Variants in TMEM132B observed in about 807,000 individuals in gnomAD.
The protein encoded by TMEM132B is transmembrane protein 132B.
A neutral mutation model predicts 90.8 loss-of-function variants in TMEM132B; 18 were observed. The ratio of observed to expected loss-of-function variants is 0.20; its 90% CI spans 0.14 to 0.29. The LOEUF (loss-of-function observed/expected upper bound fraction) is 0.29. Ranked by LOEUF, TMEM132B falls within the 10% of genes least tolerant of loss-of-function variation. The pLI, the probability that TMEM132B is intolerant of heterozygous loss-of-function variation, is 1.00. For synonymous variants in TMEM132B, 504 were observed against 523.3 expected, an observed-to-expected ratio of 0.96 and a Z score of 0.50; for missense variants, 1,096 against 1,326.8, an observed-to-expected ratio of 0.83 and a Z score of 2.70.
intron 3 of TMEM132B, among the ~76,000 whole-genome samples, chr12:125,487,146 T>C (rs1001403731): frequency 2.0e-5 from 3 of 152,206 alleles, no homozygotes; most frequent in Non-Finnish European, 2.9e-5. Flanking sequence ...ATAGCCTTGA[T>C]AGATGTTTGT....
chr12:125,626,963 G>A (rs1449078090), intron 5 of TMEM132B, among the ~76,000 whole-genome samples: 2 of 152,036 alleles, frequency 1.3e-5, no homozygotes, highest in Non-Finnish European at 2.9e-5. Flanking sequence ...CACAGCTCTT[G>A]GATGCCCTTT....
chr12:125,547,190 A>G (rs1220304677), intron 4 of TMEM132B, among the ~76,000 whole-genome samples: 1 of 152,204 alleles, frequency 6.6e-6, no homozygotes, highest in Non-Finnish European at 1.5e-5. Flanking sequence ...TATGGTAAAC[A>G]TATGCTTAAT....
intron 1 of TMEM132B, among the ~76,000 whole-genome samples, chr12:125,306,443 C>T (rs927663747): frequency 3.9e-5 from 6 of 152,164 alleles, no homozygotes; most frequent in Non-Finnish European, 8.8e-5. Flanking sequence ...CTCATACTCA[C>T]CTGGCCCAAA....
chr12:125,646,721 G>A (rs1886772480), intron 6 of TMEM132B, among the ~76,000 whole-genome samples: 2 of 152,172 alleles, frequency 1.3e-5, no homozygotes, highest in Non-Finnish European at 2.9e-5. Context: ...CTAAAACAAA[G>A]CAAATTTAAC....
chr12:125,469,696 G>T (rs1881659645), intron 3 of TMEM132B, among the ~76,000 whole-genome samples: 1 of 152,174 alleles, frequency 6.6e-6, no homozygotes, highest in South Asian at 2.1e-4. Flanking sequence ...TTCATTTTGT[G>T]CCATTTCAGG....
At chr12:125,482,083 A>G (rs1882058216) in intron 3 of TMEM132B, among the ~76,000 whole-genome samples, 3 of 152,216 alleles carry the variant, frequency 2.0e-5, no homozygotes, top group Admixed American at 2.0e-4. Context: ...CCTTCCTTAC[A>G]CACTTATACA....
At chr12:125,462,847 C>T (rs1881475559) in intron 3 of TMEM132B, among the ~76,000 whole-genome samples, 1 of 152,178 alleles carries the variant, frequency 6.6e-6, no homozygotes, top group African/African-American at 2.4e-5. Flanking sequence ...GTGCTCTATA[C>T]AATTATGTTG....
In TMEM132B at chr12:125,517,336, T is replaced by G. The variant is rs1272051408; in HGVS notation, c.1107-2103T>G. ...CCACCATGCCCTGCTGATTTTTTTT[T>G]TTTTTTTTTTTTTTTTTTTTTTTTT... On this transcript the variant is annotated intron_variant, in intron 3 of 8. Transcript: ENST00000682704. Among the ~76,000 whole-genome samples the G allele has an allele frequency of 3.4e-3, 116 of 33,972 alleles. 9 individuals carry two copies. The highest frequency in any genetic ancestry group is 3.9e-3 in the African/African-American group (8 of 2,046). The allele number at this position is 33,972 out of a possible 152,430, so 22.3% of individuals were successfully genotyped here.
At chr12:125,399,532 C>G (rs1241415888) in intron 2 of TMEM132B, among the ~76,000 whole-genome samples, 1 of 146,234 alleles carries the variant, frequency 6.8e-6, no homozygotes, top group Non-Finnish European at 1.5e-5. Context: ...GAGGGATGGG[C>G]TATAGGAGAG....
At chr12:125,642,208 A>G (rs1886649931) in intron 5 of TMEM132B, among the ~76,000 whole-genome samples, 1 of 152,158 alleles carries the variant, frequency 6.6e-6, no homozygotes, top group African/African-American at 2.4e-5. Context: ...CAGGCTCAGC[A>G]TTGTGTCAGC....
At chr12:125,606,216 C>G (rs1197574211) in intron 5 of TMEM132B, among the ~76,000 whole-genome samples, 1 of 151,852 alleles carries the variant, frequency 6.6e-6, no homozygotes, top group Non-Finnish European at 1.5e-5. Flanking sequence ...GAACATGACT[C>G]TCCATGAGTT....
At chr12:125,361,507 C>G (rs326402) in intron 2 of TMEM132B, among the ~76,000 whole-genome samples, 1 of 152,182 alleles carries the variant, frequency 6.6e-6, no homozygotes, top group Non-Finnish European at 1.5e-5. Flanking sequence ...TTACTAGTCT[C>G]TTTTCCCAAA....
chr12:125,326,406 A>G, intron 1 of TMEM132B: 1 of 610,700 alleles, frequency 1.6e-6, no homozygotes, highest in Non-Finnish European at 2.9e-6. Context: ...GACTTGGTTG[A>G]AAAAGTCACT....
intron 1 of TMEM132B, among the ~76,000 whole-genome samples, chr12:125,296,245 C>G (rs1289774045): frequency 6.6e-6 from 1 of 152,252 alleles, no homozygotes; most frequent in Non-Finnish European, 1.5e-5. Context: ...ATGCCCTGCT[C>G]TGGCCACACT....
Position 125,644,223 on chromosome 12 carries a change from T to C in TMEM132B, c.1585T>C (p.Ser529Pro), listed in dbSNP as rs765213267. 1 of 1,614,194 alleles carries C rather than the reference T, an allele frequency of 6.2e-7. No homozygotes were observed. The highest frequency in any genetic ancestry group is 8.5e-7 in the Non-Finnish European group (1 of 1,180,036). ...APRLPLQIEISDTELSQIKGW... is the reference protein window; with the variant it reads ...APRLPLQIEIPDTELSQIKGW... Reference sequence around the variant, plus strand: ...CAGGCTCCCCCTGCAGATTGAGATCTCAGACACCGAGCTGAGCCAGATCAA... The same window carrying C: ...CAGGCTCCCCCTGCAGATTGAGATCCCAGACACCGAGCTGAGCCAGATCAA... The change falls in exon 6 of 9, where the codon TCA (serine) becomes CCA (proline). Residue 529 changes from serine to proline, a missense_variant. Physicochemically the swap from Ser to Pro is moderately conservative, Grantham distance 74. Coordinates refer to ENST00000682704, the MANE Select transcript of TMEM132B (RefSeq NM_001366854.1).
intron 1 of TMEM132B, among the ~76,000 whole-genome samples, chr12:125,233,449 C>T (rs1873867639): frequency 6.6e-6 from 1 of 152,170 alleles, no homozygotes; most frequent in Non-Finnish European, 1.5e-5. Context: ...AGCAGATGTC[C>T]CAATAGCCAT....
At chr12:125,355,215 G>A (rs161882) in intron 2 of TMEM132B, among the ~76,000 whole-genome samples, 14,642 of 152,040 alleles carry the variant, frequency 0.096, 2,198 homozygotes, top group African/African-American at 0.33. Flanking sequence ...ACCCAAATGA[G>A]AACAAACAGA....
intron 1 of TMEM132B, among the ~76,000 whole-genome samples, chr12:125,337,118 T>G (rs954723696): frequency 2.0e-5 from 3 of 152,226 alleles, no homozygotes; most frequent in African/African-American, 7.2e-5. Context: ...TCTTCACTTT[T>G]GTTTCTCTGA....
chr12:125,382,714 C>T (rs1384858691), intron 2 of TMEM132B, among the ~76,000 whole-genome samples: 1 of 152,208 alleles, frequency 6.6e-6, no homozygotes, highest in Non-Finnish European at 1.5e-5. Flanking sequence ...CAAGAAATTA[C>T]ATTAAACTCA....
Sources: gnomAD v4.1 joint callset for allele counts (sites outside exome capture counted in the v4.1 genomes callset) on GRCh38, gnomAD v4.1.1 for gene constraint, MANE v1.5 for transcripts, NCBI Gene and HGNC (gene_info 2026-07-23, HGNC 2026-07-21) for gene names.